Variants in NCOA6 observed in about 807,000 individuals in gnomAD.
NCOA6 encodes the protein NRC RAP250.
Under a neutral mutation model 171.4 loss-of-function variants are expected in NCOA6, and 49 were observed. The ratio of observed to expected loss-of-function variants is 0.29; its 90% CI spans 0.23 to 0.36. The LOEUF is 0.36. NCOA6 is among the 10% of genes least tolerant of loss of function. The pLI, the probability that NCOA6 is intolerant of heterozygous loss-of-function variation, is 1.00. For missense variants in NCOA6, 2,248 were observed against 2,554.5 expected, an observed-to-expected ratio of 0.88 and a Z score of 2.59; for synonymous variants, 910 against 927.5, an observed-to-expected ratio of 0.98 and a Z score of 0.34.
At chr20:34,814,916 TG>T (rs1176591079) in intron 1 of NCOA6, among the ~76,000 whole-genome samples, 1 of 152,162 alleles carries the variant, frequency 6.6e-6, no homozygotes, top group African/African-American at 2.4e-5. Context: ...TAAAATTTCA[TG>T]GGGACACGTG....
intron 11 of NCOA6, 140 bp downstream of exon 11, chr20:34,740,223 A>G: frequency 8.5e-7 from 1 of 1,177,508 alleles, no homozygotes; most frequent in South Asian, 1.6e-5. Flanking sequence ...TTTCCAACGT[A>G]CTTTCAATAA....
chr20:34,786,253 G>A (rs541096595), intron 2 of NCOA6, among the ~76,000 whole-genome samples: 1 of 152,096 alleles, frequency 6.6e-6, no homozygotes, highest in Non-Finnish European at 1.5e-5. Context: ...ACCTGCTAGC[G>A]ATCTATTATA....
intron 12 of NCOA6, among the ~76,000 whole-genome samples, chr20:34,733,781 G>A (rs986791720): frequency 6.9e-6 from 1 of 144,180 alleles, no homozygotes; most frequent in African/African-American, 2.6e-5. Flanking sequence ...GAACCCAGGA[G>A]GCAGAGACTT....
intron 14 of NCOA6, among the ~76,000 whole-genome samples, chr20:34,716,766 TA>T (rs199646400): frequency 0.035 from 4,855 of 139,560 alleles, 206 homozygotes; most frequent in African/African-American, 0.11. Context: ...CATCTCTATT[TA>T]AAAAAAAAAA....
In NCOA6 at chr20:34,782,172, T is replaced by C. The variant is rs940781385; in HGVS notation, c.184A>G (p.Lys62Glu). 9 of 1,610,748 alleles carry C rather than the reference T, an allele frequency of 5.6e-6. No homozygotes were observed. The Admixed American group carries it at 8.4e-5, about 15-fold the overall frequency. ...FKGNIDDKDF[K>E]WKLDAILKNV... ...TTCAATATTGCATCTAATTTCCATT[T>C]GAAGTCTTTATCATCTATATTTCCT... Residue 62 changes from lysine to glutamate, a missense_variant, in exon 3 of 15, where the codon AAA becomes GAA. Physicochemically the swap from Lys to Glu is moderately conservative, Grantham distance 56. Coordinates refer to ENST00000359003, the MANE Select transcript of NCOA6 (RefSeq NM_014071.5).
intron 11 of NCOA6, among the ~76,000 whole-genome samples, chr20:34,739,895 G>C (rs570974474): frequency 2.0e-5 from 3 of 152,062 alleles, no homozygotes; most frequent in African/African-American, 7.2e-5. Context: ...ACAGAGTCTC[G>C]CTCTGTTGCC....
At chr20:34,800,924 A>G (rs1282107070) in intron 1 of NCOA6, among the ~76,000 whole-genome samples, 1 of 152,244 alleles carries the variant, frequency 6.6e-6, no homozygotes, top group Non-Finnish European at 1.5e-5. Context: ...TCTTCTCCTC[A>G]GCACATGGAT....
At chr20:34,735,859 C>G (rs1483249545) in intron 12 of NCOA6, among the ~76,000 whole-genome samples, 1 of 151,920 alleles carries the variant, frequency 6.6e-6, no homozygotes. Flanking sequence ...AGCATGGCTA[C>G]TATTGCTTTT....
At chr20:34,802,623 T>C (rs2146486851) in intron 1 of NCOA6, among the ~76,000 whole-genome samples, 1 of 151,744 alleles carries the variant, frequency 6.6e-6, no homozygotes, top group Admixed American at 6.6e-5. Context: ...AAAAAATTGG[T>C]GAAAATATAA....
At chr20:34,814,033 T>C (rs888344614) in intron 1 of NCOA6, among the ~76,000 whole-genome samples, 1 of 152,110 alleles carries the variant, frequency 6.6e-6, no homozygotes, top group Non-Finnish European at 1.5e-5. Context: ...CGCTACAATT[T>C]AGAATTGTAA....
chr20:34,808,788 G>C (rs901703418), intron 1 of NCOA6, among the ~76,000 whole-genome samples: 10 of 152,136 alleles, frequency 6.6e-5, no homozygotes, highest in Non-Finnish European at 1.2e-4. Flanking sequence ...CCAAAGTCCA[G>C]GCCATACTCC....
At chr20:34,813,779 A>G (rs555765633) in intron 1 of NCOA6, among the ~76,000 whole-genome samples, 14 of 152,254 alleles carry the variant, frequency 9.2e-5, no homozygotes, top group Admixed American at 4.6e-4. Flanking sequence ...TAAAGTTTTA[A>G]TAAAACATTT....
intron 4 of NCOA6, among the ~76,000 whole-genome samples, chr20:34,775,672 C>CAAAAAAAAAAAAA (rs570763953): frequency 7.7e-5 from 6 of 77,568 alleles, no homozygotes; most frequent in East Asian, 3.4e-4. Context: ...GACTCTGTCT[C>CAAAAAAAAAAAAA]AAAAAAAAAA....
intron 5 of NCOA6, among the ~76,000 whole-genome samples, chr20:34,761,514 G>A (rs1360498605): frequency 1.3e-5 from 2 of 150,720 alleles, no homozygotes; most frequent in East Asian, 3.9e-4. Flanking sequence ...ACAGCACTAT[G>A]GTCAGAGAAC....
At position 34,721,789 on chromosome 20, in the gene NCOA6, C is replaced by T. The variant is rs140455719; in HGVS notation, c.6148+5470G>A. 3.6e-3 allele frequency among the ~76,000 whole-genome samples: 546 copies of T among 152,272 alleles called. 2 individuals are homozygous for T. Among genetic ancestry groups the T allele is most frequent in the South Asian group, 0.012 (56 of 4,820 alleles). ...GCTTTAAAATATCAGGGCATAGTGG[C>T]TCACGCCTGTAATCCCAGCACTTTG... On this transcript the variant is annotated intron_variant, in intron 14 of 14. Transcript: ENST00000359003.
At chr20:34,815,422 A>G (rs1363406070) in intron 1 of NCOA6, among the ~76,000 whole-genome samples, 5 of 152,084 alleles carry the variant, frequency 3.3e-5, no homozygotes, top group African/African-American at 4.8e-5. Context: ...GAAAAAGAGC[A>G]TATCATTAGC....
intron 1 of NCOA6, among the ~76,000 whole-genome samples, chr20:34,802,637 C>T (rs1027146482): frequency 2.6e-5 from 4 of 151,768 alleles, no homozygotes; most frequent in African/African-American, 9.7e-5. Flanking sequence ...AATATAAAAA[C>T]GAAATAATAC....
At chr20:34,767,432 ATTACAGGCG>A (rs1435902009) in intron 5 of NCOA6, among the ~76,000 whole-genome samples, 2 of 152,014 alleles carry the variant, frequency 1.3e-5, no homozygotes, top group African/African-American at 4.8e-5. Context: ...AGTAGCTGGG[ATTACAGGCG>A]CCTGCCACCA....
chr20:34,809,901 G>C (rs1467851718), intron 1 of NCOA6, among the ~76,000 whole-genome samples: 1 of 152,194 alleles, frequency 6.6e-6, no homozygotes, highest in African/African-American at 2.4e-5. Flanking sequence ...CTGGGAGGCA[G>C]AGGTTGCAGT....
Sources: allele counts gnomAD v4.1 joint callset (sites outside exome capture counted in the v4.1 genomes callset), GRCh38; gene constraint gnomAD v4.1.1; transcripts MANE v1.5; gene names NCBI Gene and HGNC (gene_info 2026-07-23, HGNC 2026-07-21).